Variants in TSFM observed in about 807,000 individuals in gnomAD.
The protein encoded by TSFM is Ts translation elongation factor, mitochondrial, also known as elongation factor Ts, mitochondrial.
In TSFM, 29 loss-of-function variants were observed where a neutral mutation model predicts 33.4. That is an observed-to-expected ratio of 0.87 (90% confidence interval 0.65 to 1.18). The LOEUF (loss-of-function observed/expected upper bound fraction) is 1.18, where lower values mean the gene tolerates loss of function less well. TSFM is among the 50% of genes most tolerant of loss of function. The pLI, the probability that TSFM is intolerant of heterozygous loss-of-function variation, is 0.00. For missense variants in TSFM, 394 were observed against 395.6 expected (o/e 1.00, Z 0.04); for synonymous variants, 178 against 163.5 (o/e 1.09, Z -0.68).
At chr12:57,785,014 C>T (rs1490021486) in intron 2 of TSFM, among the ~76,000 whole-genome samples, 1 of 148,172 alleles carries the variant, frequency 6.7e-6, no homozygotes, top group East Asian at 2.0e-4. Flanking sequence ...GCAAGCTCCA[C>T]CTCCCAGGTT....
At chr12:57,795,222 CCGAGT>C (rs1955717430) in intron 5 of TSFM, among the ~76,000 whole-genome samples, 1 of 151,544 alleles carries the variant, frequency 6.6e-6, no homozygotes, top group South Asian at 2.1e-4. Flanking sequence ...CCTCAGCCTC[CCGAGT>C]AGCTGGGATT....
At chr12:57,788,524 G>A (rs901751248) in intron 4 of TSFM, among the ~76,000 whole-genome samples, 3 of 152,060 alleles carry the variant, frequency 2.0e-5, no homozygotes, top group Non-Finnish European at 4.4e-5. Flanking sequence ...TGATTCGCCC[G>A]CCTCCGCCTC....
At chr12:57,789,906 T>G (rs1019430918) in intron 4 of TSFM, among the ~76,000 whole-genome samples, 4 of 152,144 alleles carry the variant, frequency 2.6e-5, no homozygotes, top group African/African-American at 4.8e-5. Flanking sequence ...CTTTTTGGCT[T>G]TTTTGTTTAT....
At chr12:57,793,267 G>A (rs1159618302) in intron 5 of TSFM, among the ~76,000 whole-genome samples, 194 bp downstream of exon 5, 1 of 151,624 alleles carries the variant, frequency 6.6e-6, no homozygotes, top group African/African-American at 2.4e-5. Flanking sequence ...TTGCTCTGTT[G>A]CCCAGGCTGG....
rs1407175672 is a variant in TSFM, at chr12:57,796,305, T to C, written c.700T>C (p.Tyr234His). ...ACTTCACAAGCTGGTGCTGGGGAAG[T>C]ATGGGGCCCTGGTCATCTGTGAGAC... ...PSLHKLVLGK[Y>H]GALVICETSE... is the part of the protein sequence containing the mutation. Residue 234 changes from tyrosine (Y) to histidine (H), a missense_variant, in exon 6 of 6, where the codon TAT (tyrosine) becomes CAT (histidine). By Grantham distance (83) the Tyr-to-His change is moderately conservative (BLOSUM62 2). Coordinates refer to ENST00000652027, the MANE Select transcript of TSFM (RefSeq NM_005726.6). The C allele has an allele frequency of 3.1e-6, 5 of 1,612,022 alleles. No homozygotes were observed. In the South Asian group the frequency reaches 3.3e-5, roughly 11 times the overall value.
At chr12:57,799,087 GAAC>G (rs1409488534), downstream of TSFM, among the ~76,000 whole-genome samples, 1 of 152,192 alleles carries the variant, frequency 6.6e-6, no homozygotes, top group Non-Finnish European at 1.5e-5. Context: ...AATAGGCAAT[GAAC>G]AAGTATAAAG....
intron 4 of TSFM, among the ~76,000 whole-genome samples, chr12:57,791,401 T>C (rs1955660765): frequency 6.6e-6 from 1 of 152,050 alleles, no homozygotes; most frequent in Non-Finnish European, 1.5e-5. Context: ...CTCAGAGGAG[T>C]CTTACTGCTT....
downstream of TSFM, chr12:57,802,068 T>C: frequency 7.1e-7 from 1 of 1,417,586 alleles, no homozygotes; most frequent in Non-Finnish European, 9.7e-7. Flanking sequence ...CTGGTTTCAC[T>C]GAGCCGTGAA....
chr12:57,788,478 T>C (rs1355398504), intron 4 of TSFM, among the ~76,000 whole-genome samples: 2 of 152,134 alleles, frequency 1.3e-5, no homozygotes, highest in Non-Finnish European at 2.9e-5. Context: ...AGTTTCACCA[T>C]GTTGGCCAGG....
Position 57,786,191 on chromosome 12 carries a change from A to C in TSFM, c.260A>C (p.Gln87Pro). Residue 87 changes from glutamine to proline, a missense_variant, in exon 3 of 6, where the codon CAG becomes CCG. Gln to Pro is a moderately conservative substitution (Grantham distance 76). Transcript: ENST00000652027. ...GAGATCTGGCTCCACAAGGAGGCCC[A>C]GAAGGAGGGCTGGAGCAAAGCTGCC... ...QAEIWLHKEA[Q>P]KEGWSKAAKL... 1 of 1,608,816 alleles carries C rather than the reference A, an allele frequency of 6.2e-7. No homozygotes were observed. The highest frequency in any genetic ancestry group is 8.5e-7 in the Non-Finnish European group (1 of 1,177,308).
chr12:57,799,075 GAA>G (rs886727686), downstream of TSFM, among the ~76,000 whole-genome samples: 5 of 152,216 alleles, frequency 3.3e-5, no homozygotes, highest in African/African-American at 1.2e-4. Context: ...ACTAGAGGGG[GAA>G]ATAGGCAATG....
chr12:57,794,882 C>G (rs949450386), intron 5 of TSFM, among the ~76,000 whole-genome samples: 1 of 151,832 alleles, frequency 6.6e-6, no homozygotes, highest in South Asian at 2.1e-4. Flanking sequence ...GCCTTAGCCT[C>G]CTGAGTAGCT....
downstream of TSFM, chr12:57,801,051 T>G: frequency 7.8e-4 from 790 of 1,009,658 alleles, no homozygotes; most frequent in Non-Finnish European, 9.9e-4. Flanking sequence ...ACTAAGGACA[T>G]GAGTTTTGCC....
intron 2 of TSFM, among the ~76,000 whole-genome samples, chr12:57,784,491 T>C (rs1955562901): frequency 6.6e-6 from 1 of 152,264 alleles, no homozygotes; most frequent in Non-Finnish European, 1.5e-5. Context: ...TGGACTCTTT[T>C]GTAATAACAG....
At chr12:57,786,895 C>A in intron 3 of TSFM, 145 bp from the exon 4 acceptor site, 1 of 806,148 alleles carries the variant, frequency 1.2e-6, no homozygotes, top group Non-Finnish European at 1.9e-6. Context: ...GGAGAGGAAG[C>A]GTAGCTTTAA....
intron 4 of TSFM, among the ~76,000 whole-genome samples, chr12:57,791,267 C>T (rs1270924834): frequency 1.3e-5 from 2 of 152,196 alleles, no homozygotes; most frequent in African/African-American, 4.8e-5. Context: ...GCCTCAGCCT[C>T]CCAAAGTGCT....
intron 2 of TSFM, among the ~76,000 whole-genome samples, chr12:57,785,384 A>G (rs1955577597): frequency 6.6e-6 from 1 of 152,142 alleles, no homozygotes; most frequent in Admixed American, 6.5e-5. Flanking sequence ...ACGGGCATGG[A>G]CCTGTCATCT....
At chr12:57,787,260 T>G in intron 4 of TSFM, 98 bp downstream of exon 4, 2 of 1,219,802 alleles carry the variant, frequency 1.6e-6, no homozygotes, top group Non-Finnish European at 1.1e-6. Flanking sequence ...ATTCTGTTAC[T>G]TCACATCTCT....
chr12:57,792,925 A>C, intron 4 of TSFM, 61 bp from the exon 5 acceptor site: 1 of 1,533,560 alleles, frequency 6.5e-7, no homozygotes, highest in Non-Finnish European at 9.0e-7. Context: ...ATTTTTGCCT[A>C]TTCTTTTGAT....
Sources: gnomAD v4.1 joint callset for allele counts (sites outside exome capture counted in the v4.1 genomes callset) on GRCh38, gnomAD v4.1.1 for gene constraint, MANE v1.5 for transcripts, NCBI Gene and HGNC (gene_info 2026-07-23, HGNC 2026-07-21) for gene names.